The following ENTPD8 variants were observed in gnomAD, a reference collection of about 807,000 sequenced individuals.
The protein encoded by ENTPD8 is ectonucleoside triphosphate diphosphohydrolase 8.
A neutral mutation model predicts 47.0 loss-of-function variants in ENTPD8; 35 were observed. The ratio of observed to expected loss-of-function variants is 0.75; its 90% CI spans 0.57 to 0.99. The LOEUF is 0.99. Ranked by LOEUF, ENTPD8 falls within the 50% of genes least tolerant of loss-of-function variation. The pLI is 0.00. For synonymous variants in ENTPD8, 308 were observed against 290.5 expected (o/e 1.06, Z -0.61); for missense variants, 668 against 649.9 (o/e 1.03, Z -0.30).
rs1426950972 is a variant in ENTPD8, at chr9:137,438,544, G to A, written c.-20-239C>T. Among the ~76,000 whole-genome samples, 3 of 150,262 alleles carry A rather than the reference G, an allele frequency of 2.0e-5. No homozygotes were observed. Among genetic ancestry groups the A allele is most frequent in the Non-Finnish European group, 3.0e-5 (2 of 67,568 alleles). ...TCAGGCGGCCTCCCGTGGCCATAGA[G>A]GCATCTCCGGGGCTCAGACGGCCTC... On this transcript the variant is annotated intron_variant, in intron 1 of 9. Coordinates refer to ENST00000371506, the MANE Select transcript of ENTPD8 (RefSeq NM_001033113.2). This position sits in a 1 kb window ranked among gnomAD's most constrained non-coding sequence, Gnocchi z 5.7.
In ENTPD8 at chr9:137,434,977, C is replaced by T; in HGVS notation, c.1425G>A (p.Met475Ile). 6.2e-7 allele frequency: 1 copy of T among 1,613,026 alleles called. No homozygotes were observed. The highest frequency in any genetic ancestry group is 8.5e-7 in the Non-Finnish European group (1 of 1,179,898). ...YGVWVAKVVFMVLALVAVVGA... is the reference protein window; with the variant it reads ...YGVWVAKVVFIVLALVAVVGA... Reference sequence around the variant, plus strand: ...CCACCACCGCCACCAGGGCCAGCACCATGAACACCACTTTGGCCACCCAGA... The same window carrying T: ...CCACCACCGCCACCAGGGCCAGCACTATGAACACCACTTTGGCCACCCAGA... The change falls in exon 10 of 10, where the codon ATG (methionine) becomes ATA (isoleucine). Residue 475 changes from methionine to isoleucine, a missense_variant. Physicochemically the swap from Met to Ile is conservative, Grantham distance 10 (BLOSUM62 1). Coordinates refer to ENST00000371506, the MANE Select transcript of ENTPD8 (RefSeq NM_001033113.2).
At position 137,436,865 on chromosome 9, in the gene ENTPD8, G is replaced by T. The variant is rs745317623; in HGVS notation, c.555+4C>A. ...AGCCCCCGCCCTCAGGCAGCCTGTG[G>T]CACCTTGACCAGCGTCCCCAAGCCG... On this transcript the variant is annotated splice_donor_region_variant and intron_variant, in intron 5 of 9. Coordinates refer to ENST00000371506, the MANE Select transcript of ENTPD8 (RefSeq NM_001033113.2). The T allele has an allele frequency of 1.2e-6, 2 of 1,612,048 alleles. No homozygotes were observed. The highest frequency in any genetic ancestry group is 1.7e-6 in the Non-Finnish European group (2 of 1,179,604).
At chr9:137,439,026 G>T (rs1490378609) in intron 1 of ENTPD8, among the ~76,000 whole-genome samples, 2 of 152,118 alleles carry the variant, frequency 1.3e-5, no homozygotes, top group Non-Finnish European at 2.9e-5. Context: ...TCTCTCTGGA[G>T]CCCTGAGGGG....
rs552813481 is a variant in ENTPD8, at chr9:137,435,073, G to A, written c.1329C>T (p.Gly443=). 2 of 1,611,580 alleles carry A rather than the reference G, an allele frequency of 1.2e-6. No individual in the cohort carries two copies. Among genetic ancestry groups the A allele is most frequent in the Admixed American group, 3.3e-5 (2 of 59,968 alleles). Reference sequence around the variant, plus strand: ...TCATCCCGGTCAGGTTCAGCATGTAGCCCAGTGTCCAGCCAATGTCCACAC... The same window carrying A: ...TCATCCCGGTCAGGTTCAGCATGTAACCCAGTGTCCAGCCAATGTCCACAC... The part of the protein sequence containing the change: ...AGGVDIGWTL[G]YMLNLTGMIP... The change falls in exon 10 of 10, where the codon GGC becomes GGT. Residue 443 remains glycine, a synonymous_variant. Transcript: ENST00000371506.
At position 137,435,112 on chromosome 9, in the gene ENTPD8, G is replaced by T. The variant is rs1328384889; in HGVS notation, c.1297-7C>A. On this transcript the variant is annotated splice_polypyrimidine_tract_variant and splice_region_variant and intron_variant, in intron 9 of 9. Transcript: ENST00000371506. ...CAATGTCCACACCGCCCGCCTGCGG[G>T]ACACACGGCTGCTCAGGGCTGCGGG... 1.2e-6 allele frequency: 2 copies of T among 1,607,348 alleles called. No homozygotes were observed. The highest frequency in any genetic ancestry group is 1.7e-6 in the Non-Finnish European group (2 of 1,177,920).
chr9:137,440,468 G>A (rs1397051007), intron 1 of ENTPD8, among the ~76,000 whole-genome samples: 10 of 17,066 alleles, frequency 5.9e-4, no homozygotes, highest in Admixed American at 1.1e-3. Context: ...GACCAGGAGA[G>A]CCCCCCAGGC....
rs754542903 is a variant in ENTPD8 at position 137,436,099 on chromosome 9, C to G, written c.964G>C (p.Glu322Gln). Residue 322 changes from glutamate to glutamine, a missense_variant, in exon 7 of 10, where the codon GAA becomes CAA. Transcript: ENST00000371506. ...NPGACVSAIR[E>Q]LFNFSSCQGQ... ...TGGCAGCTGGAGAAGTTGAAAAGTT[C>G]CCGGATGGCTGAGACGCAGGCTCCA... 5 of 1,612,924 alleles carry G rather than the reference C, an allele frequency of 3.1e-6. No homozygotes were observed. In the South Asian group the frequency reaches 4.4e-5, roughly 14 times the overall value.
intron 3 of ENTPD8, 57 bp from the exon 4 acceptor site, chr9:137,437,366 G>A (rs1839399239): frequency 1.3e-6 from 2 of 1,567,364 alleles, no homozygotes; most frequent in East Asian, 4.5e-5. Context: ...GGGCTGAAAG[G>A]TAGCCCCCAA....
At position 137,434,873 on chromosome 9, in the gene ENTPD8, G is replaced by A; in HGVS notation, c.*41C>T. ...GGAAGCCTCCAGCATCCGGGACGCA[G>A]CTGCCTGTGGGCTCTGTGGGGGCCC... is the stretch of plus-strand genomic sequence containing the variant. On this transcript the variant is annotated 3_prime_UTR_variant, in exon 10 of 10. Coordinates refer to ENST00000371506, the MANE Select transcript of ENTPD8 (RefSeq NM_001033113.2). 1 of 1,546,130 alleles carries A rather than the reference G, an allele frequency of 6.5e-7. No individual in the cohort carries two copies.
At position 137,437,299 on chromosome 9, in the gene ENTPD8, G is replaced by C; in HGVS notation, c.255C>G (p.Ile85Met). The change falls in exon 4 of 10, where the codon ATC becomes ATG. Residue 85 changes from isoleucine to methionine, a missense_variant. Coordinates refer to ENST00000371506, the MANE Select transcript of ENTPD8 (RefSeq NM_001033113.2). Reference sequence around the variant, plus strand: ...GTGCAGCATTAGAAGTGTAGGAGGAGATTCCAGGCCCTGGAACAGCAGCCG... The same window carrying C: ...GTGCAGCATTAGAAGTGTAGGAGGACATTCCAGGCCCTGGAACAGCAGCCG... ...ALACQVEGPGISSYTSNAAQA... is the reference protein window; with the variant it reads ...ALACQVEGPGMSSYTSNAAQA... The C allele has an allele frequency of 6.2e-7, 1 of 1,611,264 alleles. No individual in the cohort carries two copies. Among genetic ancestry groups the C allele is most frequent in the Non-Finnish European group, 8.5e-7 (1 of 1,178,882 alleles).
chr9:137,435,573 T>C (rs1588475517), intron 8 of ENTPD8, 146 bp downstream of exon 8: 2 of 1,008,358 alleles, frequency 2.0e-6, no homozygotes, highest in East Asian at 2.6e-5. Context: ...CTACCTGGAG[T>C]GGCACGGCCT....
chr9:137,440,100 GCCCCCCAGACCAGGACAGC>G (rs1417191882), intron 1 of ENTPD8, among the ~76,000 whole-genome samples: 4 of 23,936 alleles, frequency 1.7e-4, no homozygotes, highest in East Asian at 1.5e-3. Flanking sequence ...GACCAGGACA[GCCCCCCAGACCAGGACAGC>G]CCCCCCAGAC....
Position 137,438,047 on chromosome 9 carries a change from G to T in ENTPD8, c.164C>A (p.Ser55Tyr), listed in dbSNP as rs1839418002. ...CGCCAGCCACTGATACAGGAAGAGG[G>T]ACGTGTGGGAGGAGCCCGCATCAAA... ...IVFDAGSSHTSLFLYQWLANK... is the reference protein window; with the variant it reads ...IVFDAGSSHTYLFLYQWLANK... The change falls in exon 3 of 10, where the codon TCC becomes TAC. Residue 55 changes from serine to tyrosine, a missense_variant. By Grantham distance (144) the Ser-to-Tyr change is moderately radical. Transcript: ENST00000371506. This position sits in a 1 kb window ranked among gnomAD's most constrained non-coding sequence, Gnocchi z 5.7. The T allele has an allele frequency of 6.2e-7, 1 of 1,612,926 alleles. No individual in the cohort carries two copies. The highest frequency in any genetic ancestry group is 1.1e-5 in the South Asian group (1 of 91,090).
intron 1 of ENTPD8, among the ~76,000 whole-genome samples, chr9:137,440,123 CCCA>C (rs1839483247): frequency 1.6e-5 from 1 of 62,276 alleles, no homozygotes; most frequent in Non-Finnish European, 3.2e-5. Flanking sequence ...GGACAGCCCC[CCCA>C]GACCAGGACA....
chr9:137,437,427 T>G, intron 3 of ENTPD8, 118 bp from the exon 4 acceptor site: 1 of 1,302,992 alleles, frequency 7.7e-7, no homozygotes, highest in Non-Finnish European at 1.0e-6. Context: ...AAGGGCTGCG[T>G]GGAGTGCTCA....
At position 137,438,149 on chromosome 9, in the gene ENTPD8, C is replaced by T. The variant is rs374384192; in HGVS notation, c.126+11G>A. On this transcript the variant is annotated intron_variant, in intron 2 of 9. Transcript: ENST00000371506. The surrounding 1 kb of genome is among the most constrained non-coding windows in gnomAD (Gnocchi z 5.7). ...GACCCGGCCCGGCCTCCCCTGCCGG[C>T]GGGGACGCACCTTGATGTCTGTGGG... 1.4e-5 allele frequency: 23 copies of T among 1,608,878 alleles called. No homozygotes were observed. The highest frequency in any genetic ancestry group is 4.5e-5 in the East Asian group (2 of 44,754).
In ENTPD8 at chr9:137,434,885, C is replaced by T. The variant is rs1206584582; in HGVS notation, c.*29G>A. The T allele has an allele frequency of 1.3e-6, 2 of 1,577,500 alleles. No individual in the cohort carries two copies. The highest frequency in any genetic ancestry group is 2.3e-5 in the South Asian group (2 of 85,726). Reference sequence around the variant, plus strand: ...CATCCGGGACGCAGCTGCCTGTGGGCTCTGTGGGGGCCCACCTCCGCCTTC... The same window carrying T: ...CATCCGGGACGCAGCTGCCTGTGGGTTCTGTGGGGGCCCACCTCCGCCTTC... On this transcript the variant is annotated 3_prime_UTR_variant, in exon 10 of 10. Transcript: ENST00000371506.
rs762264022 is a variant in ENTPD8 at position 137,436,974 on chromosome 9, C to T, written c.450G>A (p.Leu150=). The change falls in exon 5 of 10, where the codon CTG becomes CTA. Residue 150 remains leucine (L), a synonymous_variant. Transcript: ENST00000371506. ...RDIFAAVTQV[L]GRSPVDFWGA... ...CCCAAAAGTCCACGGGAGACCGGCCCAGGACCTGGGTGACTGCTGCAAAGA... is the reference window on the plus strand; with the variant it reads ...CCCAAAAGTCCACGGGAGACCGGCCTAGGACCTGGGTGACTGCTGCAAAGA... 2.5e-6 allele frequency: 4 copies of T among 1,612,994 alleles called. No homozygotes were observed. The East Asian group carries it at 6.7e-5, about 27-fold the overall frequency.
rs144809012 is a variant in ENTPD8, at chr9:137,436,629, G to A, written c.678C>T (p.Thr226=). ...AGCCGTAGAGGCGAAAATCGGCCTG[G>A]GTGCTCTTGTCCAAGATGGGGCCCC... The part of the protein sequence containing the change: ...VPGGPILDKS[T]QADFRLYGSD... The change falls in exon 6 of 10, where the codon ACC becomes ACT. Residue 226 remains threonine (T), a synonymous_variant. Transcript: ENST00000371506. 2.6e-5 allele frequency: 42 copies of A among 1,607,508 alleles called. No homozygotes were observed. In the African/African-American group the frequency reaches 5.1e-4, roughly 19 times the overall value.
Sources: gnomAD v4.1 joint callset for allele counts (sites outside exome capture counted in the v4.1 genomes callset) on GRCh38, gnomAD v4.1.1 for gene constraint, Gnocchi (gnomAD v3.1) non-coding constraint, MANE v1.5 for transcripts, NCBI Gene and HGNC (gene_info 2026-07-23, HGNC 2026-07-21) for gene names.